The following WNT9A variants were observed in gnomAD, a reference collection of about 807,000 sequenced individuals.
The protein encoded by WNT9A is protein Wnt-9a.
Under a neutral mutation model 31.4 loss-of-function variants are expected in WNT9A, and 8 were observed. The observed-to-expected ratio is 0.26, with a 90% CI of 0.15 to 0.46. The LOEUF (loss-of-function observed/expected upper bound fraction) is 0.46, where lower values mean the gene tolerates loss of function less well. Among genes scored for constraint, WNT9A ranks in the 20% least tolerant of loss-of-function variants. WNT9A has a pLI of 0.99. For synonymous variants in WNT9A, 236 were observed against 220.1 expected (o/e 1.07, Z -0.64); for missense variants, 457 against 522.9 (o/e 0.87, Z 1.23).
At position 227,919,786 on chromosome 1, in the gene WNT9A, GCACTCACAA is replaced by G. The variant is rs6143657; in HGVS notation, c.*1723_*1731del. 0.18 allele frequency: 27,316 copies of G among 149,830 alleles called. 2,699 individuals carry two copies. Among genetic ancestry groups the G allele is most frequent in the East Asian group, 0.27 (1,351 of 5,078 alleles). The allele number at this position is 149,830 out of a possible 1,614,324, so 9.3% of individuals were successfully genotyped here. A position where few individuals can be genotyped will look rare whatever the true frequency, so the allele number is the denominator to read the frequency against. On this transcript the variant is annotated 3_prime_UTR_variant, in exon 4 of 4. Coordinates refer to ENST00000272164, the MANE Select transcript of WNT9A (RefSeq NM_003395.4). The stretch of plus-strand genomic sequence containing the variant: ...ACACATTGACCACGCCAGCACACAC[GCACTCACAA>G]CACTCACAACATACGCACACGTATG...
rs1252582171 is a variant in WNT9A, at chr1:227,924,311, G to A, written c.442C>T (p.Arg148Cys). The A allele has an allele frequency of 3.7e-6, 6 of 1,613,584 alleles. No homozygotes were observed. Among genetic ancestry groups the A allele is most frequent in the African/African-American group, 1.3e-5 (1 of 74,912 alleles). ...AKACSAGRME[R>C]CTCDEAPDLE... is the part of the protein sequence containing the mutation. ...TCGGGTGCCTCATCGCAGGTACAGC[G>A]CTCCATGCGGCCCGCGCTGCACGCC... Residue 148 changes from arginine to cysteine, a missense_variant, in exon 3 of 4, where the codon CGC (arginine) becomes TGC (cysteine). By Grantham distance (180) the Arg-to-Cys change is radical. Transcript: ENST00000272164.
rs1666463908 is a variant in WNT9A, at chr1:227,928,923, C to G, written c.96-3404G>C. 6.6e-6 allele frequency among the ~76,000 whole-genome samples: 1 copy of G among 152,208 alleles called. No homozygotes were observed. The highest frequency in any genetic ancestry group is 2.1e-4 in the South Asian group (1 of 4,824). Reference sequence around the variant, plus strand: ...AGCAAAGAACAAAAAAGAGGCAGCGCAGAGTCCAGAGACCAACAGACAAAT... The same window carrying G: ...AGCAAAGAACAAAAAAGAGGCAGCGGAGAGTCCAGAGACCAACAGACAAAT... On this transcript the variant is annotated intron_variant, in intron 1 of 3. Transcript: ENST00000272164. The surrounding 1 kb of genome is among the most constrained non-coding windows in gnomAD (Gnocchi z 4.5).
chr1:227,922,940 C>T (rs1666348612), intron 3 of WNT9A, among the ~76,000 whole-genome samples: 1 of 152,196 alleles, frequency 6.6e-6, no homozygotes, highest in South Asian at 2.1e-4. Flanking sequence ...CAGAGAAACC[C>T]GGACCAATTT....
At chr1:227,937,392 T>G (rs74140823) in intron 1 of WNT9A, among the ~76,000 whole-genome samples, 1,911 of 152,292 alleles carry the variant, frequency 0.013, 15 homozygotes, top group African/African-American at 0.02. Context: ...AAGGAGAGGA[T>G]AAAGGTACTA....
rs555286222 is a variant in WNT9A, at chr1:227,928,577, T to C, written c.96-3058A>G. On this transcript the variant is annotated intron_variant, in intron 1 of 3. Coordinates refer to ENST00000272164, the MANE Select transcript of WNT9A (RefSeq NM_003395.4). The surrounding 1 kb of genome is among the most constrained non-coding windows in gnomAD (Gnocchi z 4.5). ...AGGGTGGGCTCCACATGCAGCCAAC[T>C]GAAGGGACTCACAGCCTCAGGGGGT... is the stretch of plus-strand genomic sequence containing the variant. Among the ~76,000 whole-genome samples, 92 of 152,292 alleles carry C rather than the reference T, an allele frequency of 6.0e-4. No homozygotes were observed. The highest frequency in any genetic ancestry group is 6.8e-3 in the Middle Eastern group (2 of 294).
chr1:227,947,715 C>T lies in WNT9A; in HGVS notation c.95+78G>A, dbSNP rs1378351236. Reference sequence around the variant, plus strand: ...CCCCGGCCCCAGCCACCCCGGGTGCCTCGGGGACTCCGGACGACCCCGCCC... The same window carrying T: ...CCCCGGCCCCAGCCACCCCGGGTGCTTCGGGGACTCCGGACGACCCCGCCC... On this transcript the variant is annotated intron_variant, in intron 1 of 3. Coordinates refer to ENST00000272164, the MANE Select transcript of WNT9A (RefSeq NM_003395.4). 8.8e-6 allele frequency: 8 copies of T among 907,992 alleles called. No homozygotes were observed. The East Asian group carries it at 6.7e-4, about 76-fold the overall frequency. The allele number at this position is 907,992 out of a possible 1,614,324, so 56.2% of individuals were successfully genotyped here. A position where few individuals can be genotyped will look rare whatever the true frequency, so the allele number is the denominator to read the frequency against.
rs1666375411 is a variant in WNT9A at position 227,924,188 on chromosome 1, T to C, written c.565A>G (p.Lys189Glu). The change falls in exon 3 of 4, where the codon AAG (lysine) becomes GAG (glutamate). Residue 189 changes from lysine (K) to glutamate (E), a missense_variant. Lys to Glu is a moderately conservative substitution (Grantham distance 56, BLOSUM62 1). Coordinates refer to ENST00000272164, the MANE Select transcript of WNT9A (RefSeq NM_003395.4). ...AAGTCCACACGGGCTCGCAGATCCT[T>C]GCTTGACCGTCTGCCCAGGAATTCC... ...VKEFLGRRSS[K>E]DLRARVDFHN... 9 of 1,611,894 alleles carry C rather than the reference T, an allele frequency of 5.6e-6. No homozygotes were observed. Among genetic ancestry groups the C allele is most frequent in the Non-Finnish European group, 7.6e-6 (9 of 1,178,806 alleles).
intron 1 of WNT9A, among the ~76,000 whole-genome samples, chr1:227,946,976 T>C (rs1222636723): frequency 6.6e-6 from 1 of 152,102 alleles, no homozygotes; most frequent in Non-Finnish European, 1.5e-5. Flanking sequence ...CCCGGGGCGC[T>C]GCCTCGCACG....
At chr1:227,933,877 C>T (rs1666548855) in intron 1 of WNT9A, among the ~76,000 whole-genome samples, 1 of 152,214 alleles carries the variant, frequency 6.6e-6, no homozygotes, top group African/African-American at 2.4e-5. Flanking sequence ...CAGAAACCCC[C>T]CAGCCCTGAT....
In WNT9A at chr1:227,923,347, A is replaced by G. The variant is rs972900183; in HGVS notation, c.615+791T>C. Among the ~76,000 whole-genome samples, 8 of 152,204 alleles carry G rather than the reference A, an allele frequency of 5.3e-5. No individual in the cohort carries two copies. The East Asian group carries it at 7.8e-4, about 15-fold the overall frequency. On this transcript the variant is annotated intron_variant, in intron 3 of 3. Coordinates refer to ENST00000272164, the MANE Select transcript of WNT9A (RefSeq NM_003395.4). Reference sequence around the variant, plus strand: ...CCCTCAGCTTCCAATAGAGGTGTCAACCCTGCCCATCCCTGTTCAGGAACT... The same window carrying G: ...CCCTCAGCTTCCAATAGAGGTGTCAGCCCTGCCCATCCCTGTTCAGGAACT...
chr1:227,938,966 C>T (rs985912368), intron 1 of WNT9A, among the ~76,000 whole-genome samples: 1 of 152,222 alleles, frequency 6.6e-6, no homozygotes, highest in Non-Finnish European at 1.5e-5. Context: ...GCCAGGCTCA[C>T]GGCAGCACCA....
At chr1:227,935,076 C>G (rs755436704) in intron 1 of WNT9A, among the ~76,000 whole-genome samples, 2 of 151,282 alleles carry the variant, frequency 1.3e-5, no homozygotes, top group Non-Finnish European at 2.9e-5. Context: ...CCATACAGAG[C>G]CTGAGTCACA....
rs898336423 is a variant in WNT9A, at chr1:227,942,206, G to T, written c.95+5587C>A. On this transcript the variant is annotated intron_variant, in intron 1 of 3. Transcript: ENST00000272164. This position sits in a 1 kb window ranked among gnomAD's most constrained non-coding sequence, Gnocchi z 5.7. ...CCCAACCAGACGTCCGCCGGCTGTG[G>T]ACAGGACATCTGCTCCCTCAGCTGT... 2.0e-5 allele frequency among the ~76,000 whole-genome samples: 3 copies of T among 152,146 alleles called. No homozygotes were observed. The highest frequency in any genetic ancestry group is 7.2e-5 in the African/African-American group (3 of 41,440).
chr1:227,932,864 G>A (rs1666535439), intron 1 of WNT9A, among the ~76,000 whole-genome samples: 1 of 152,210 alleles, frequency 6.6e-6, no homozygotes, highest in Non-Finnish European at 1.5e-5. Context: ...AACCAGGCTG[G>A]GAACAAATGT....
intron 1 of WNT9A, among the ~76,000 whole-genome samples, chr1:227,937,869 G>A (rs1666622615): frequency 6.6e-6 from 1 of 152,232 alleles, no homozygotes; most frequent in Non-Finnish European, 1.5e-5. Context: ...CTCGTTATGT[G>A]CACACCAGCC....
chr1:227,937,946 G>A (rs370623106), intron 1 of WNT9A, among the ~76,000 whole-genome samples: 11 of 152,202 alleles, frequency 7.2e-5, no homozygotes, highest in Non-Finnish European at 1.6e-4. Flanking sequence ...GCCAGGGCCC[G>A]GGACCACGCT....
chr1:227,947,215 G>T (rs547060407), intron 1 of WNT9A, among the ~76,000 whole-genome samples: 3 of 152,222 alleles, frequency 2.0e-5, no homozygotes, highest in South Asian at 2.1e-4. Context: ...AGGTTCCATG[G>T]ACGCGCTCCC....
Position 227,929,966 on chromosome 1 carries a change from G to C in WNT9A, c.96-4447C>G, listed in dbSNP as rs563030540. Among the ~76,000 whole-genome samples, 16 of 152,292 alleles carry C rather than the reference G, an allele frequency of 1.1e-4. No homozygotes were observed. In the South Asian group the frequency reaches 3.1e-3, roughly 30 times the overall value. ...CTTCCAGCCTCCAGAGCTGTGAGCA[G>C]CATACTTCTGTGTTTTATAAGCTCC... On this transcript the variant is annotated intron_variant, in intron 1 of 3. Transcript: ENST00000272164.
intron 1 of WNT9A, among the ~76,000 whole-genome samples, chr1:227,930,129 T>A (rs948568888): frequency 3.9e-5 from 6 of 152,204 alleles, no homozygotes; most frequent in African/African-American, 1.4e-4. Flanking sequence ...AGCCTTGTTA[T>A]AGGAACGTGC....
Sources: gnomAD v4.1 joint callset for allele counts (sites outside exome capture counted in the v4.1 genomes callset) on GRCh38, gnomAD v4.1.1 for gene constraint, Gnocchi (gnomAD v3.1) non-coding constraint, MANE v1.5 for transcripts, NCBI Gene and HGNC (gene_info 2026-07-23, HGNC 2026-07-21) for gene names.